The following STPG2 variants were observed in gnomAD, a reference collection of about 807,000 sequenced individuals.
STPG2 encodes the protein sperm-tail PG-rich repeat-containing protein 2.
STPG2 carries 56 observed loss-of-function variants against 54.2 expected under a neutral mutation model. The ratio of observed to expected loss-of-function variants is 1.03; its 90% CI spans 0.83 to 1.29. The LOEUF (loss-of-function observed/expected upper bound fraction) is 1.29, where lower values mean the gene tolerates loss of function less well. STPG2 is among the 50% of genes most tolerant of loss of function. The probability of loss-of-function intolerance (pLI) is 0.00; values close to 1 mark genes in which losing one functional copy is unlikely to be tolerated. For missense variants in STPG2, 596 were observed against 544.9 expected (o/e 1.09, Z -0.93); for synonymous variants, 200 against 181.8 (o/e 1.10, Z -0.81).
intron 5 of STPG2, among the ~76,000 whole-genome samples, chr4:98,003,776 T>C (rs551995018): frequency 6.6e-6 from 1 of 152,210 alleles, no homozygotes; most frequent in African/African-American, 2.4e-5. Context: ...TCTGAATGTA[T>C]TCATACTTTT....
intron 10 of STPG2, among the ~76,000 whole-genome samples, chr4:97,651,569 C>A (rs2148953793): frequency 6.6e-6 from 1 of 152,076 alleles, no homozygotes; most frequent in Non-Finnish European, 1.5e-5. Flanking sequence ...ATTTAAACAT[C>A]AGAATAACAC....
intron 8 of STPG2, among the ~76,000 whole-genome samples, chr4:97,914,153 A>G (rs528187051): frequency 1.2e-3 from 176 of 152,322 alleles, no homozygotes; most frequent in African/African-American, 3.8e-3. Flanking sequence ...ATCTCCCTCT[A>G]TAGAGCTGTT....
At chr4:98,097,579 T>C (rs189408387) in intron 5 of STPG2, among the ~76,000 whole-genome samples, 2 of 152,178 alleles carry the variant, frequency 1.3e-5, no homozygotes, top group East Asian at 1.9e-4. Context: ...GACAAGGATG[T>C]CCACTTTCAC....
intron 9 of STPG2, among the ~76,000 whole-genome samples, chr4:97,819,239 T>C (rs1728010230): frequency 6.6e-6 from 1 of 151,880 alleles, no homozygotes; most frequent in South Asian, 2.1e-4. Context: ...TTAACAGCAC[T>C]CAGCAAGAGT....
intron 5 of STPG2, among the ~76,000 whole-genome samples, chr4:98,028,299 A>G (rs1240640110): frequency 3.3e-5 from 5 of 152,148 alleles, no homozygotes; most frequent in Non-Finnish European, 5.9e-5. Context: ...TCTTCCTTCA[A>G]TTTGTGCTTT....
chr4:98,094,472 G>A (rs1738786410), intron 5 of STPG2, among the ~76,000 whole-genome samples: 1 of 152,196 alleles, frequency 6.6e-6, no homozygotes, highest in Non-Finnish European at 1.5e-5. Context: ...TTTTTAAAAA[G>A]CAGAGTAAAG....
intron 10 of STPG2, among the ~76,000 whole-genome samples, chr4:97,650,860 T>C (rs1722045554): frequency 6.6e-6 from 1 of 152,130 alleles, no homozygotes; most frequent in African/African-American, 2.4e-5. Flanking sequence ...GTAAAATATT[T>C]TGATTTTCTT....
chr4:97,468,979 A>C (rs1560621929), intron 4 of STPG2, among the ~76,000 whole-genome samples: 2 of 152,082 alleles, frequency 1.3e-5, no homozygotes, highest in African/African-American at 4.8e-5. Flanking sequence ...AACCAAAATA[A>C]AAAACACATA....
At chr4:97,828,426 T>A (rs1363523274) in intron 9 of STPG2, among the ~76,000 whole-genome samples, 1 of 152,066 alleles carries the variant, frequency 6.6e-6, no homozygotes, top group Non-Finnish European at 1.5e-5. Flanking sequence ...GCCTATGCCA[T>A]CAGGGCCCAG....
intron 3 of STPG2, among the ~76,000 whole-genome samples, chr4:98,119,943 T>C (rs181603421): frequency 2.6e-5 from 4 of 152,346 alleles, no homozygotes; most frequent in Admixed American, 2.0e-4. Context: ...ATCCTTTTTA[T>C]GGCTGTATAG....
chr4:98,014,386 A>C (rs956984407), intron 5 of STPG2, among the ~76,000 whole-genome samples: 1 of 152,016 alleles, frequency 6.6e-6, no homozygotes, highest in South Asian at 2.1e-4. Flanking sequence ...GCGGCAACAC[A>C]CTGCTCTTCC....
intron 9 of STPG2, among the ~76,000 whole-genome samples, chr4:97,790,833 T>C (rs1726968122): frequency 2.6e-5 from 4 of 152,174 alleles, no homozygotes. Flanking sequence ...TGAGCAACTT[T>C]TTATTACATC....
At chr4:97,938,734 G>T (rs1012329440) in intron 8 of STPG2, among the ~76,000 whole-genome samples, 4 of 152,112 alleles carry the variant, frequency 2.6e-5, no homozygotes, top group African/African-American at 9.7e-5. Flanking sequence ...TGGCTCTCAG[G>T]TGGGCCGACA....
chr4:97,456,157 C>T (rs758323483), intron 4 of STPG2, among the ~76,000 whole-genome samples: 10 of 152,194 alleles, frequency 6.6e-5, no homozygotes, highest in Non-Finnish European at 1.2e-4. Context: ...TTAGTCTGTT[C>T]TCACATTGCC....
chr4:97,921,477 A>G (rs965500707), intron 8 of STPG2, among the ~76,000 whole-genome samples: 8 of 152,112 alleles, frequency 5.3e-5, no homozygotes, highest in African/African-American at 7.2e-5. Context: ...AAAAGAACCC[A>G]AAAAGAAATT....
chr4:98,094,499 C>A (rs1384647896), intron 5 of STPG2, among the ~76,000 whole-genome samples: 1 of 152,170 alleles, frequency 6.6e-6, no homozygotes, highest in Non-Finnish European at 1.5e-5. Flanking sequence ...TTGTCTCGCA[C>A]CAACTCGACC....
At chr4:98,076,283 T>G (rs113631463) in intron 5 of STPG2, among the ~76,000 whole-genome samples, 2 of 150,624 alleles carry the variant, frequency 1.3e-5, no homozygotes, top group African/African-American at 2.4e-5. Context: ...TAGTGAACCA[T>G]CCACGTAATC....
chr4:97,559,028 T>C lies in STPG2; in HGVS notation c.*30A>G, dbSNP rs571596330. 3 of 1,535,708 alleles carry C rather than the reference T, an allele frequency of 2.0e-6. No individual in the cohort carries two copies. The African/African-American group carries it at 4.2e-5, about 21-fold the overall frequency. ...AGAAATAAACTGACTTCCATGAAGT[T>C]GTTTTTTAAGTTTTTGCCATAAATT... On this transcript the variant is annotated 3_prime_UTR_variant, in exon 11 of 11. Transcript: ENST00000295268.
At chr4:97,845,340 A>G (rs562585362) in intron 8 of STPG2, among the ~76,000 whole-genome samples, 4 of 152,010 alleles carry the variant, frequency 2.6e-5, no homozygotes, top group Non-Finnish European at 5.9e-5. Context: ...GAAATTTTTC[A>G]TTTAAGCCAT....
Sources: allele counts gnomAD v4.1 joint callset (sites outside exome capture counted in the v4.1 genomes callset), GRCh38; gene constraint gnomAD v4.1.1; transcripts MANE v1.5; gene names NCBI Gene and HGNC (gene_info 2026-07-23, HGNC 2026-07-21).